The following TENM3 variants were observed in gnomAD, a reference collection of about 807,000 sequenced individuals.
TENM3 encodes teneurin-3.
Under a neutral mutation model 255.1 loss-of-function variants are expected in TENM3, and 63 were observed. The observed-to-expected ratio is 0.25, with a 90% confidence interval of 0.20 to 0.30. The LOEUF (loss-of-function observed/expected upper bound fraction) is 0.30. TENM3 is among the 10% of genes least tolerant of loss of function. The probability of loss-of-function intolerance (pLI) is 1.00; values close to 1 mark genes in which losing one functional copy is unlikely to be tolerated. For missense variants in TENM3, 2,929 were observed against 3,461.1 expected, an observed-to-expected ratio of 0.85 and a Z score of 3.86; for synonymous variants, 1,306 against 1,322.3, an observed-to-expected ratio of 0.99 and a Z score of 0.27.
chr4:181,804,088 G>A, the TENM3 span, among the ~76,000 whole-genome samples: 16 of 133,242 alleles, frequency 1.2e-4, no homozygotes, highest in Middle Eastern at 4.3e-3. Context: ...AGAAAGAAAG[G>A]AAGGGAGGGA....
At chr4:181,761,944 T>A in the TENM3 span, among the ~76,000 whole-genome samples, 7 of 152,204 alleles carry the variant, frequency 4.6e-5, no homozygotes, top group African/African-American at 1.7e-4. Flanking sequence ...ACATAATGAT[T>A]CTTTATAATA....
the TENM3 span, among the ~76,000 whole-genome samples, chr4:181,981,209 C>T: frequency 2.0e-4 from 30 of 152,228 alleles, no homozygotes; most frequent in African/African-American, 6.3e-4. Flanking sequence ...CGGGCTGTCT[C>T]GTCTTCCTCA....
At chr4:182,612,708 T>C (rs1749132518) in intron 4 of TENM3, among the ~76,000 whole-genome samples, 1 of 151,434 alleles carries the variant, frequency 6.6e-6, no homozygotes. Context: ...TAAGTCTCAG[T>C]TTCCTCTTCT....
intron 6 of TENM3, among the ~76,000 whole-genome samples, chr4:182,667,764 C>T (rs1010825760): frequency 4.1e-5 from 6 of 145,602 alleles, no homozygotes; most frequent in South Asian, 2.3e-4. Flanking sequence ...GGAAGGGGAA[C>T]ATCACACACC....
chr4:181,846,820 T>C, the TENM3 span, among the ~76,000 whole-genome samples: 1 of 152,218 alleles, frequency 6.6e-6, no homozygotes, highest in Non-Finnish European at 1.5e-5. Context: ...GGAATCTGTA[T>C]TACAACAACT....
chr4:182,785,382 AT>A (rs1765559002), intron 24 of TENM3, among the ~76,000 whole-genome samples: 1 of 151,912 alleles, frequency 6.6e-6, no homozygotes, highest in Non-Finnish European at 1.5e-5. Context: ...TTAACCTGAT[AT>A]TTTTAATAAT....
the TENM3 span, among the ~76,000 whole-genome samples, chr4:181,606,649 T>G: frequency 6.6e-6 from 1 of 152,068 alleles, no homozygotes; most frequent in Non-Finnish European, 1.5e-5. Flanking sequence ...CTGCTCTTGT[T>G]GTTCTTTCTG....
chr4:181,697,445 G>T, the TENM3 span, among the ~76,000 whole-genome samples: 1 of 152,170 alleles, frequency 6.6e-6, no homozygotes, highest in African/African-American at 2.4e-5. Flanking sequence ...CCAGGCTGGA[G>T]TGCAGTGGCG....
chr4:182,510,069 A>T (rs1737234890), intron 3 of TENM3, among the ~76,000 whole-genome samples: 1 of 152,176 alleles, frequency 6.6e-6, no homozygotes, highest in Admixed American at 6.5e-5. Context: ...TTAAGATCTT[A>T]GTTGTGTTTT....
the TENM3 span, among the ~76,000 whole-genome samples, chr4:181,775,953 T>C: frequency 6.6e-6 from 1 of 152,190 alleles, no homozygotes; most frequent in African/African-American, 2.4e-5. Flanking sequence ...CTGACTATGT[T>C]GAAATACAAA....
chr4:181,702,849 A>T, the TENM3 span, among the ~76,000 whole-genome samples: 1 of 152,190 alleles, frequency 6.6e-6, no homozygotes, highest in Non-Finnish European at 1.5e-5. Flanking sequence ...ATTTTTAAAC[A>T]TTGGTCATTT....
At chr4:182,066,602 ATATAT>A in the TENM3 span, among the ~76,000 whole-genome samples, 4 of 80,740 alleles carry the variant, frequency 5.0e-5, no homozygotes, top group African/African-American at 1.7e-4. Context: ...AAAAAAAAAT[ATATAT>A]ATATATATAT....
intron 22 of TENM3, among the ~76,000 whole-genome samples, chr4:182,763,858 G>A (rs964276723): frequency 2.0e-5 from 3 of 152,206 alleles, no homozygotes; most frequent in Non-Finnish European, 4.4e-5. Flanking sequence ...TAGAGCTAGT[G>A]AGAAATGTTA....
chr4:182,519,987 G>T (rs1738397954), intron 3 of TENM3, among the ~76,000 whole-genome samples: 1 of 152,058 alleles, frequency 6.6e-6, no homozygotes, highest in Admixed American at 6.6e-5. Context: ...AAAATTTATT[G>T]AAGAGGTATA....
At chr4:181,681,023 G>C in the TENM3 span, among the ~76,000 whole-genome samples, 2 of 152,006 alleles carry the variant, frequency 1.3e-5, no homozygotes, top group African/African-American at 4.8e-5. Flanking sequence ...ATAGGAAACT[G>C]TATATGTGGA....
chr4:182,692,217 G>A (rs1561117108), intron 12 of TENM3, among the ~76,000 whole-genome samples: 1 of 152,186 alleles, frequency 6.6e-6, no homozygotes, highest in Non-Finnish European at 1.5e-5. Context: ...CTGTCCTGTG[G>A]ATGCAGTTAG....
At chr4:181,485,737 G>A in the TENM3 span, among the ~76,000 whole-genome samples, 1 of 152,078 alleles carries the variant, frequency 6.6e-6, no homozygotes, top group South Asian at 2.1e-4. Context: ...CACAGTTGGT[G>A]AACCAAGTAT....
chr4:182,623,713 G>T (rs1466170671), intron 4 of TENM3, among the ~76,000 whole-genome samples: 1 of 152,008 alleles, frequency 6.6e-6, no homozygotes, highest in Non-Finnish European at 1.5e-5. Context: ...CTTCCATGAT[G>T]CTCTGAGCAC....
chr4:181,991,568 C>A, the TENM3 span, among the ~76,000 whole-genome samples: 2 of 152,152 alleles, frequency 1.3e-5, no homozygotes, highest in Non-Finnish European at 2.9e-5. Context: ...TGGCTACTCA[C>A]TGGCCCATGT....
Sources: gnomAD v4.1 joint callset for allele counts (sites outside exome capture counted in the v4.1 genomes callset) on GRCh38, gnomAD v4.1.1 for gene constraint, MANE v1.5 for transcripts, NCBI Gene and HGNC (gene_info 2026-07-23, HGNC 2026-07-21) for gene names.